The following AFF3 variants were observed in gnomAD, a reference collection of about 807,000 sequenced individuals.
The protein encoded by AFF3 is AF4/FMR2 family member 3.
A neutral mutation model predicts 129.7 loss-of-function variants in AFF3; 32 were observed. The ratio of observed to expected loss-of-function variants is 0.25; its 90% CI spans 0.19 to 0.33. The LOEUF is 0.33. AFF3 is among the 10% of genes least tolerant of loss of function. The pLI, the probability that AFF3 is intolerant of heterozygous loss-of-function variation, is 1.00. For missense variants in AFF3, 1,373 were observed against 1,592.0 expected (o/e 0.86, Z 2.34); for synonymous variants, 644 against 635.4 (o/e 1.01, Z -0.20).
At chr2:99,788,075 G>A (rs979165638) in intron 8 of AFF3, among the ~76,000 whole-genome samples, 2 of 152,122 alleles carry the variant, frequency 1.3e-5, no homozygotes, top group African/African-American at 2.4e-5. Flanking sequence ...TGATGCTGGC[G>A]TAAATAAACC....
chr2:99,654,006 A>G (rs1685522708), intron 12 of AFF3, among the ~76,000 whole-genome samples: 1 of 151,868 alleles, frequency 6.6e-6, no homozygotes, highest in South Asian at 2.1e-4. Context: ...CAACCTCCAG[A>G]GTAGCTGGGA....
rs568300677 is a variant in AFF3, at chr2:100,077,346, G to A, written c.53+27056C>T. On this transcript the variant is annotated intron_variant, in intron 4 of 24. Transcript: ENST00000672756. The stretch of plus-strand genomic sequence containing the variant: ...AGCAAAAGAAGGAGCAGGAAGGTTA[G>A]ACAAGTGAGGGCCAGAGTGAGGAGG... Among the ~76,000 whole-genome samples, 49 of 152,338 alleles carry A rather than the reference G, an allele frequency of 3.2e-4. No individual in the cohort carries two copies. The South Asian group carries it at 9.9e-3, about 31-fold the overall frequency.
Position 100,105,182 on chromosome 2 carries a change from G to A in AFF3, c.-65+322C>T, listed in dbSNP as rs867449432. On this transcript the variant is annotated intron_variant, in intron 3 of 24. Coordinates refer to ENST00000672756, the MANE Select transcript of AFF3 (RefSeq NM_001386135.1). The stretch of plus-strand genomic sequence containing the variant: ...CGCCCGGCCCCGCCCGGCCTTGCCC[G>A]GGCTGCACGCACTTCTCCCGCGGCC... The A allele has an allele frequency of 4.7e-4, 224 of 474,800 alleles. 2 individuals are homozygous for A. Among genetic ancestry groups the A allele is most frequent in the African/African-American group, 4.6e-3 (215 of 46,800 alleles). The allele number at this position is 474,800 out of a possible 1,614,324, so 29.4% of individuals were successfully genotyped here.
intron 4 of AFF3, among the ~76,000 whole-genome samples, chr2:100,094,240 T>A (rs1690102070): frequency 6.6e-6 from 1 of 152,192 alleles, no homozygotes; most frequent in Non-Finnish European, 1.5e-5. Context: ...ACTTCATTTC[T>A]ATTATTACAT....
chr2:99,807,521 G>A (rs1408799097), intron 8 of AFF3, among the ~76,000 whole-genome samples: 6 of 152,222 alleles, frequency 3.9e-5, no homozygotes, highest in African/African-American at 1.4e-4. Flanking sequence ...TCTACTCCGT[G>A]GTCCTGGTTT....
At chr2:99,667,398 C>T (rs1310400296) in intron 12 of AFF3, among the ~76,000 whole-genome samples, 1 of 152,080 alleles carries the variant, frequency 6.6e-6, no homozygotes, top group Non-Finnish European at 1.5e-5. Context: ...GCACTAAATA[C>T]TTATATCATA....
chr2:100,045,276 T>C lies in AFF3; in HGVS notation c.54-36344A>G, dbSNP rs377725173. Among the ~76,000 whole-genome samples the C allele has an allele frequency of 4.6e-5, 7 of 152,122 alleles. No homozygotes were observed. The East Asian group carries it at 7.7e-4, about 17-fold the overall frequency. ...GGGAGCAGCTGAGTGCCGCAGTTAC[T>C]ACCCGCCAGCAACAGTCGCATGTTC... On this transcript the variant is annotated intron_variant, in intron 4 of 24. Transcript: ENST00000672756.
Position 99,845,994 on chromosome 2 carries a change from G to A in AFF3, c.874-8470C>T, listed in dbSNP as rs374577780. On this transcript the variant is annotated intron_variant, in intron 7 of 24. Transcript: ENST00000672756. Reference sequence around the variant, plus strand: ...ACTACAGGTGCCCACCATCACACCCGGCTAATTTTTTGTATTTTTAGTAGA... The same window carrying A: ...ACTACAGGTGCCCACCATCACACCCAGCTAATTTTTTGTATTTTTAGTAGA... 1.3e-4 allele frequency among the ~76,000 whole-genome samples: 19 copies of A among 151,678 alleles called. No individual in the cohort carries two copies. The East Asian group carries it at 2.7e-3, about 22-fold the overall frequency.
In AFF3 at chr2:99,715,834, G is replaced by C. The variant is rs368573978; in HGVS notation, c.1091+11243C>G. On this transcript the variant is annotated intron_variant, in intron 11 of 24. Transcript: ENST00000672756. ...CTACAGGTACATGCCACCATGCCCG[G>C]CTAATTTTTTTGTATTTTTAGTAGA... Among the ~76,000 whole-genome samples the C allele has an allele frequency of 5.9e-5, 9 of 152,130 alleles. No individual in the cohort carries two copies. In the East Asian group the frequency reaches 1.2e-3, roughly 20 times the overall value.
intron 4 of AFF3, among the ~76,000 whole-genome samples, chr2:100,064,385 C>A (rs1687553067): frequency 6.6e-6 from 1 of 152,158 alleles, no homozygotes; most frequent in African/African-American, 2.4e-5. Context: ...CCCACATAAT[C>A]TGGATGGATG....
chr2:99,846,123 T>C (rs896712936), intron 7 of AFF3, among the ~76,000 whole-genome samples: 1 of 149,548 alleles, frequency 6.7e-6, no homozygotes, highest in Non-Finnish European at 1.5e-5. Flanking sequence ...TGAGCCACCA[T>C]ACTCAGCCTA....
Position 99,914,265 on chromosome 2 carries a change from T to C in AFF3, c.874-76741A>G, listed in dbSNP as rs763814994. Among the ~76,000 whole-genome samples the C allele has an allele frequency of 2.6e-5, 4 of 152,234 alleles. No homozygotes were observed. In the South Asian group the frequency reaches 8.3e-4, roughly 32 times the overall value. ...GTATTCCTGCAAAAAAATGTAAAAC[T>C]TGAATCTAATCATGATAAAATATTA... On this transcript the variant is annotated intron_variant, in intron 7 of 24. Coordinates refer to ENST00000672756, the MANE Select transcript of AFF3 (RefSeq NM_001386135.1).
chr2:99,980,961 T>C (rs370903651), intron 7 of AFF3, among the ~76,000 whole-genome samples: 1 of 152,202 alleles, frequency 6.6e-6, no homozygotes, highest in African/African-American at 2.4e-5. Flanking sequence ...TGTTTTTCAG[T>C]TAACATATGA....
rs538968632 is a variant in AFF3 at position 100,138,156 on chromosome 2, A to G, written c.-228+4328T>C. ...CCACCAACTATCTTCCCTTCCTGTTACCACCGCAGTCTTCCTTCTGGGGAT... is the reference window on the plus strand; with the variant it reads ...CCACCAACTATCTTCCCTTCCTGTTGCCACCGCAGTCTTCCTTCTGGGGAT... On this transcript the variant is annotated intron_variant, in intron 1 of 24. Coordinates refer to ENST00000672756, the MANE Select transcript of AFF3 (RefSeq NM_001386135.1). 1.2e-4 allele frequency among the ~76,000 whole-genome samples: 19 copies of G among 152,208 alleles called. No homozygotes were observed. The East Asian group carries it at 3.5e-3, about 28-fold the overall frequency.
intron 7 of AFF3, among the ~76,000 whole-genome samples, chr2:99,992,173 A>C (rs1292620400): frequency 6.6e-6 from 1 of 152,212 alleles, no homozygotes; most frequent in Non-Finnish European, 1.5e-5. Context: ...AGAATGGTTT[A>C]ATTAAAATTT....
intron 11 of AFF3, among the ~76,000 whole-genome samples, chr2:99,686,414 A>T (rs1242278499): frequency 2.6e-5 from 4 of 152,180 alleles, no homozygotes; most frequent in East Asian, 3.8e-4. Flanking sequence ...CATGTAGACT[A>T]TTCCTTTCTG....
At position 99,626,455 on chromosome 2, in the gene AFF3, T is replaced by C. The variant is rs1347320840; in HGVS notation, c.1184+23171A>G. 8.9e-5 allele frequency among the ~76,000 whole-genome samples: 5 copies of C among 56,232 alleles called. No homozygotes were observed. The Middle Eastern group carries it at 0.037, about 422-fold the overall frequency. The allele number at this position is 56,232 out of a possible 152,430, so 36.9% of individuals were successfully genotyped here. ...TCCCTCCCTCTCCTTCCCTTCCCCT[T>C]CCTTCCTTCCTCCCTCCCTCCCTCT... On this transcript the variant is annotated intron_variant, in intron 13 of 24. Coordinates refer to ENST00000672756, the MANE Select transcript of AFF3 (RefSeq NM_001386135.1).
chr2:99,941,057 A>T (rs554277798), intron 7 of AFF3, among the ~76,000 whole-genome samples: 1 of 152,272 alleles, frequency 6.6e-6, no homozygotes, highest in South Asian at 2.1e-4. Flanking sequence ...GTAGAGCAGG[A>T]GCATTCCCAG....
chr2:99,892,369 AATG>A (rs1284903283), intron 7 of AFF3, among the ~76,000 whole-genome samples: 1 of 152,236 alleles, frequency 6.6e-6, no homozygotes, highest in Non-Finnish European at 1.5e-5. Flanking sequence ...GAGTTTGCCT[AATG>A]ATAACTGAGA....
Sources: allele counts gnomAD v4.1 joint callset (sites outside exome capture counted in the v4.1 genomes callset), GRCh38; gene constraint gnomAD v4.1.1; transcripts MANE v1.5; gene names NCBI Gene and HGNC (gene_info 2026-07-23, HGNC 2026-07-21).